TRPM3: variants seen among roughly 807,000 people sequenced by gnomAD.
TRPM3 encodes the protein transient receptor potential cation channel subfamily M member 3.
TRPM3 carries 77 observed loss-of-function variants against 181.2 expected under a neutral mutation model. The observed-to-expected ratio is 0.42, with a 90% confidence interval of 0.35 to 0.51. The LOEUF (loss-of-function observed/expected upper bound fraction) is 0.51, where lower values mean the gene tolerates loss of function less well. TRPM3 is among the 20% of genes least tolerant of loss of function. TRPM3 has a pLI of 0.01. For missense variants in TRPM3, 1,759 were observed against 2,196.7 expected (o/e 0.80, Z 3.98); for synonymous variants, 745 against 796.4 (o/e 0.94, Z 1.09).
chr9:71,109,420 G>T (rs2070525413), intron 1 of TRPM3, among the ~76,000 whole-genome samples: 1 of 151,822 alleles, frequency 6.6e-6, no homozygotes, highest in South Asian at 2.1e-4. Flanking sequence ...CTTGAATTCT[G>T]TTAATTTGCA....
intron 1 of TRPM3, among the ~76,000 whole-genome samples, chr9:71,325,474 G>C (rs1045433480): frequency 1.3e-5 from 2 of 152,042 alleles, no homozygotes; most frequent in African/African-American, 4.8e-5. Context: ...AAAAAAAATT[G>C]AGGCTCAGAA....
chr9:70,586,926 T>G (rs2057234791), intron 22 of TRPM3, among the ~76,000 whole-genome samples: 1 of 152,016 alleles, frequency 6.6e-6, no homozygotes, highest in Non-Finnish European at 1.5e-5. Context: ...TGGCTTTACA[T>G]GCACACACAT....
chr9:70,609,973 C>T (rs2061765417), intron 19 of TRPM3, among the ~76,000 whole-genome samples: 1 of 151,994 alleles, frequency 6.6e-6, no homozygotes, highest in Admixed American at 6.6e-5. Context: ...TCTACCATAT[C>T]AGGAGGTCGT....
chr9:71,062,462 G>T (rs1409573004), intron 1 of TRPM3, among the ~76,000 whole-genome samples: 1 of 152,000 alleles, frequency 6.6e-6, no homozygotes, highest in African/African-American at 2.4e-5. Context: ...TACAAACACA[G>T]CATAAAACCA....
In TRPM3 at chr9:70,625,571, T is replaced by A; in HGVS notation, c.1633-54A>T. On this transcript the variant is annotated intron_variant, in intron 12 of 25. Transcript: ENST00000677713. The surrounding 1 kb of genome is among the most constrained non-coding windows in gnomAD (Gnocchi z 4.8). ...AAGATGCAGTAATCGTCGGCAATAATAGAAAATCAAAATATTTATTCAAGT... is the reference window on the plus strand; with the variant it reads ...AAGATGCAGTAATCGTCGGCAATAAAAGAAAATCAAAATATTTATTCAAGT... 6.4e-7 allele frequency: 1 copy of A among 1,553,638 alleles called. No individual in the cohort carries two copies. The highest frequency in any genetic ancestry group is 8.8e-7 in the Non-Finnish European group (1 of 1,138,872).
chr9:71,177,364 C>A (rs995907380), intron 1 of TRPM3, among the ~76,000 whole-genome samples: 1 of 152,118 alleles, frequency 6.6e-6, no homozygotes, highest in African/African-American at 2.4e-5. Flanking sequence ...TGCCCCCCTA[C>A]CCCTGGTCTA....
intron 1 of TRPM3, among the ~76,000 whole-genome samples, chr9:71,012,186 C>T (rs1176828037): frequency 6.6e-6 from 1 of 152,026 alleles, no homozygotes; most frequent in South Asian, 2.1e-4. Flanking sequence ...ATGGATTCAA[C>T]TTCATCATTT....
intron 1 of TRPM3, among the ~76,000 whole-genome samples, chr9:71,008,873 T>C (rs2097707178): frequency 6.6e-6 from 1 of 152,190 alleles, no homozygotes; most frequent in South Asian, 2.1e-4. Context: ...CAAAAACCTT[T>C]ACCATGTCAA....
chr9:70,645,738 A>C (rs983283356), intron 9 of TRPM3, among the ~76,000 whole-genome samples: 1 of 60,226 alleles, frequency 1.7e-5, no homozygotes, highest in Non-Finnish European at 3.8e-5. Context: ...GAGCTTCTTC[A>C]CAGCAAAAAA....
chr9:71,349,483 G>C (rs947664887), intron 1 of TRPM3, among the ~76,000 whole-genome samples: 5 of 152,132 alleles, frequency 3.3e-5, no homozygotes, highest in African/African-American at 4.8e-5. Flanking sequence ...CCACTAAGAA[G>C]ACTTCAGCAT....
chr9:71,189,349 T>G (rs747362895), intron 1 of TRPM3, among the ~76,000 whole-genome samples: 1 of 151,908 alleles, frequency 6.6e-6, no homozygotes, highest in African/African-American at 2.4e-5. Context: ...TTGAACAGCA[T>G]ATATGGTACA....
At chr9:71,116,480 T>C (rs1318842315) in intron 1 of TRPM3, among the ~76,000 whole-genome samples, 1 of 152,198 alleles carries the variant, frequency 6.6e-6, no homozygotes, top group African/African-American at 2.4e-5. Context: ...AAATCAACTA[T>C]AGAAGACAGA....
intron 1 of TRPM3, among the ~76,000 whole-genome samples, chr9:71,042,736 C>G (rs969083585): frequency 6.6e-6 from 1 of 152,166 alleles, no homozygotes; most frequent in Admixed American, 6.5e-5. Context: ...TCTTCATTCT[C>G]TTTTTACCCA....
chr9:71,243,291 T>C (rs562151080), intron 1 of TRPM3, among the ~76,000 whole-genome samples: 1 of 152,314 alleles, frequency 6.6e-6, no homozygotes, highest in African/African-American at 2.4e-5. Context: ...CTCAAAGTGC[T>C]GGGATTACAG....
At chr9:70,601,374 T>C (rs1449664690) in intron 20 of TRPM3, among the ~76,000 whole-genome samples, 1 of 152,154 alleles carries the variant, frequency 6.6e-6, no homozygotes, top group East Asian at 1.9e-4. Flanking sequence ...GCCTTCCTTT[T>C]GTGTATCCCT....
intron 1 of TRPM3, among the ~76,000 whole-genome samples, chr9:71,238,114 C>G (rs1449432360): frequency 6.6e-6 from 1 of 152,070 alleles, no homozygotes; most frequent in Non-Finnish European, 1.5e-5. Flanking sequence ...AAAGTAACAC[C>G]TCTTCTGCAT....
intron 1 of TRPM3, among the ~76,000 whole-genome samples, chr9:71,105,829 T>C (rs1331635094): frequency 6.6e-6 from 1 of 152,194 alleles, no homozygotes; most frequent in Non-Finnish European, 1.5e-5. Flanking sequence ...AATACAGTGA[T>C]GGAAATCTGA....
chr9:70,675,714 G>T (rs1209451808), intron 9 of TRPM3, among the ~76,000 whole-genome samples: 1 of 152,120 alleles, frequency 6.6e-6, no homozygotes, highest in Non-Finnish European at 1.5e-5. Flanking sequence ...TCATAGCTAT[G>T]TGATTTCTAT....
intron 1 of TRPM3, among the ~76,000 whole-genome samples, chr9:71,350,516 G>C (rs1046526347): frequency 1.4e-4 from 21 of 152,296 alleles, no homozygotes; most frequent in Admixed American, 1.1e-3. Flanking sequence ...ACCTAAGGCT[G>C]TTCCTGTAGT....
Sources: gnomAD v4.1 joint callset for allele counts (sites outside exome capture counted in the v4.1 genomes callset) on GRCh38, gnomAD v4.1.1 for gene constraint, Gnocchi (gnomAD v3.1) non-coding constraint, MANE v1.5 for transcripts, NCBI Gene and HGNC (gene_info 2026-07-23, HGNC 2026-07-21) for gene names.